Variants in KCTD8 observed in about 807,000 individuals in gnomAD.
KCTD8 encodes the protein BTB/POZ domain-containing protein KCTD8.
A neutral mutation model predicts 31.5 loss-of-function variants in KCTD8; 27 were observed. The observed-to-expected ratio is 0.86, with a 90% CI of 0.63 to 1.18. The LOEUF (loss-of-function observed/expected upper bound fraction) is 1.18, where lower values mean the gene tolerates loss of function less well. Among genes scored for constraint, KCTD8 ranks in the 50% most tolerant of loss-of-function variants. The pLI is 0.00. For synonymous variants in KCTD8, 290 were observed against 280.0 expected (o/e 1.04, Z -0.36); for missense variants, 658 against 647.7 (o/e 1.02, Z -0.17).
intron 1 of KCTD8, among the ~76,000 whole-genome samples, chr4:44,437,929 C>T (rs1055122551): frequency 5.8e-4 from 88 of 152,218 alleles, no homozygotes; most frequent in African/African-American, 1.8e-3. Context: ...TCCCCAAAAC[C>T]ACCATATAAA....
At chr4:44,335,052 G>T (rs1718688160) in intron 1 of KCTD8, among the ~76,000 whole-genome samples, 1 of 152,064 alleles carries the variant, frequency 6.6e-6, no homozygotes, top group African/African-American at 2.4e-5. Context: ...AATTAATCAA[G>T]ATTTGATTCT....
chr4:44,327,608 A>G (rs1017590013), intron 1 of KCTD8, among the ~76,000 whole-genome samples: 1 of 151,692 alleles, frequency 6.6e-6, no homozygotes. Context: ...CAATATCATT[A>G]TTACTATTAT....
At chr4:44,309,406 TA>T (rs1320032240) in intron 1 of KCTD8, among the ~76,000 whole-genome samples, 1 of 152,180 alleles carries the variant, frequency 6.6e-6, no homozygotes, top group Non-Finnish European at 1.5e-5. Context: ...ATTTCCAATT[TA>T]AAACTGTCTT....
chr4:44,224,974 C>G (rs1362139066), intron 1 of KCTD8, among the ~76,000 whole-genome samples: 1 of 152,164 alleles, frequency 6.6e-6, no homozygotes, highest in African/African-American at 2.4e-5. Flanking sequence ...TTGGTAAGAA[C>G]TAGTCATATG....
At chr4:44,395,065 C>T (rs1720463377) in intron 1 of KCTD8, among the ~76,000 whole-genome samples, 1 of 152,030 alleles carries the variant, frequency 6.6e-6, no homozygotes, top group African/African-American at 2.4e-5. Flanking sequence ...TTGTAATGAA[C>T]ACAAAAGTTT....
intron 1 of KCTD8, among the ~76,000 whole-genome samples, chr4:44,201,215 T>C (rs776581613): frequency 2.0e-5 from 3 of 152,106 alleles, no homozygotes; most frequent in Non-Finnish European, 4.4e-5. Flanking sequence ...AACAATATTG[T>C]TAAAATGGCC....
chr4:44,425,705 A>G (rs995696786), intron 1 of KCTD8, among the ~76,000 whole-genome samples: 4 of 151,982 alleles, frequency 2.6e-5, no homozygotes, highest in African/African-American at 4.8e-5. Flanking sequence ...GGCAGTATTT[A>G]CCCTTAGGAC....
intron 1 of KCTD8, among the ~76,000 whole-genome samples, chr4:44,194,994 T>C (rs1713896431): frequency 6.6e-6 from 1 of 151,302 alleles, no homozygotes; most frequent in Non-Finnish European, 1.5e-5. Context: ...TAGCTGGGAT[T>C]ACAGGCATGT....
chr4:44,211,983 C>G (rs1371181094), intron 1 of KCTD8, among the ~76,000 whole-genome samples: 1 of 151,850 alleles, frequency 6.6e-6, no homozygotes, highest in East Asian at 1.9e-4. Context: ...TATATTGATA[C>G]ATTAAAAATT....
intron 1 of KCTD8, among the ~76,000 whole-genome samples, chr4:44,297,848 T>A (rs1291807818): frequency 1.3e-5 from 2 of 152,208 alleles, no homozygotes; most frequent in African/African-American, 4.8e-5. Context: ...TCTGAGTAAT[T>A]CCATGTGGCC....
intron 1 of KCTD8, among the ~76,000 whole-genome samples, chr4:44,405,633 A>G (rs1304927210): frequency 3.3e-5 from 5 of 152,038 alleles, no homozygotes; most frequent in Non-Finnish European, 5.9e-5. Context: ...TTACTCTTCT[A>G]ATTCTCTACT....
chr4:44,195,703 T>A (rs2109336888), intron 1 of KCTD8, among the ~76,000 whole-genome samples: 1 of 152,286 alleles, frequency 6.6e-6, no homozygotes, highest in Non-Finnish European at 1.5e-5. Flanking sequence ...AATAGAGTAT[T>A]TTATATGCAA....
rs1271655444 is a variant in KCTD8, at chr4:44,326,339, T to G, written c.961+121224A>C. ...TATTTTGGTAGCTGTCTGCATTTTT[T>G]TGCATTAATTTTTACTTAAAACTAG... On this transcript the variant is annotated intron_variant, in intron 1 of 1. Coordinates refer to ENST00000360029, the MANE Select transcript of KCTD8 (RefSeq NM_198353.3). 3.3e-5 allele frequency among the ~76,000 whole-genome samples: 5 copies of G among 151,882 alleles called. No individual in the cohort carries two copies. The East Asian group carries it at 9.6e-4, about 29-fold the overall frequency.
At chr4:44,401,920 C>T (rs1720674376) in intron 1 of KCTD8, among the ~76,000 whole-genome samples, 1 of 152,070 alleles carries the variant, frequency 6.6e-6, no homozygotes, top group Admixed American at 6.5e-5. Context: ...ATATACCCTC[C>T]CAAAATAATT....
chr4:44,419,002 A>C (rs1321477434), intron 1 of KCTD8, among the ~76,000 whole-genome samples: 1 of 152,226 alleles, frequency 6.6e-6, no homozygotes, highest in South Asian at 2.1e-4. Flanking sequence ...AAACATTCTA[A>C]CATTCAACAT....
chr4:44,360,662 A>G (rs1396255871), intron 1 of KCTD8, among the ~76,000 whole-genome samples: 1 of 152,056 alleles, frequency 6.6e-6, no homozygotes, highest in East Asian at 1.9e-4. Flanking sequence ...TTAAAGTGAA[A>G]ACAGAAATCC....
intron 1 of KCTD8, among the ~76,000 whole-genome samples, chr4:44,389,429 G>T (rs965177649): frequency 6.6e-6 from 1 of 151,642 alleles, no homozygotes; most frequent in African/African-American, 2.4e-5. Flanking sequence ...ACAAAATTCT[G>T]ATACATACTA....
chr4:44,256,223 A>G (rs1306792637), intron 1 of KCTD8, among the ~76,000 whole-genome samples: 1 of 151,968 alleles, frequency 6.6e-6, no homozygotes, highest in Non-Finnish European at 1.5e-5. Context: ...TCAAGATAAG[A>G]TTTAGGTGGG....
intron 1 of KCTD8, among the ~76,000 whole-genome samples, chr4:44,446,935 A>G (rs968246036): frequency 6.6e-6 from 1 of 152,138 alleles, no homozygotes. Context: ...CTGGGTTTCC[A>G]TCTGTCAAGG....
Sources: allele counts gnomAD v4.1 joint callset (sites outside exome capture counted in the v4.1 genomes callset), GRCh38; gene constraint gnomAD v4.1.1; transcripts MANE v1.5; gene names NCBI Gene and HGNC (gene_info 2026-07-23, HGNC 2026-07-21).